Variants in CRADD observed in about 807,000 individuals in gnomAD.
The protein encoded by CRADD is death domain-containing protein CRADD.
In CRADD, 9 loss-of-function variants were observed where a neutral mutation model predicts 15.5. That is an observed-to-expected ratio of 0.58 (90% CI 0.35 to 1.01). The LOEUF is 1.01. CRADD is among the 50% of genes least tolerant of loss of function. The pLI is 0.02. For synonymous variants in CRADD, 118 were observed against 107.6 expected (o/e 1.10, Z -0.60); for missense variants, 227 against 250.3 (o/e 0.91, Z 0.63).
chr12:93,853,102 G>T (rs892233553), downstream of CRADD, among the ~76,000 whole-genome samples: 1 of 151,872 alleles, frequency 6.6e-6, no homozygotes, highest in African/African-American at 2.4e-5. Context: ...GATTTTCTCT[G>T]CATTTCCTTA....
intron 2 of CRADD, among the ~76,000 whole-genome samples, chr12:93,887,975 C>T (rs994628480): frequency 3.9e-5 from 6 of 152,206 alleles, no homozygotes; most frequent in East Asian, 1.9e-4. Context: ...AAAAGCTTCC[C>T]GGTTAAAGTG....
chr12:93,852,915 TATTA>T (rs1230565210), downstream of CRADD, among the ~76,000 whole-genome samples: 1 of 151,966 alleles, frequency 6.6e-6, no homozygotes, highest in African/African-American at 2.4e-5. Context: ...CTATAACTTT[TATTA>T]ATTTTTTCAA....
At chr12:93,691,500 C>T (rs940970386) in intron 2 of CRADD, among the ~76,000 whole-genome samples, 1 of 152,042 alleles carries the variant, frequency 6.6e-6, no homozygotes, top group Non-Finnish European at 1.5e-5. Flanking sequence ...GTGATCTGCC[C>T]GCCTTGGCCT....
chr12:93,797,273 C>T (rs1423202009), intron 2 of CRADD, among the ~76,000 whole-genome samples: 1 of 152,146 alleles, frequency 6.6e-6, no homozygotes, highest in East Asian at 1.9e-4. Context: ...CAGGCATCAA[C>T]TAAATGGCAT....
intron 2 of CRADD, among the ~76,000 whole-genome samples, chr12:93,885,936 G>A (rs966850740): frequency 3.9e-5 from 6 of 152,086 alleles, no homozygotes; most frequent in African/African-American, 1.4e-4. Flanking sequence ...CTACTTGGGA[G>A]GCTGAGGTAG....
intron 2 of CRADD, among the ~76,000 whole-genome samples, chr12:93,807,981 CAA>C (rs368104878): frequency 3.5e-4 from 24 of 67,740 alleles, no homozygotes; most frequent in African/African-American, 8.8e-4. Flanking sequence ...AAGTGTTATG[CAA>C]AAAAAAAAAA....
At chr12:93,869,129 A>AG (rs1958396530) in intron 2 of CRADD, among the ~76,000 whole-genome samples, 1 of 152,216 alleles carries the variant, frequency 6.6e-6, no homozygotes, top group Admixed American at 6.5e-5. Context: ...GAATTCCATC[A>AG]GTATGCCAGA....
intron 2 of CRADD, among the ~76,000 whole-genome samples, chr12:93,794,498 C>T (rs544238142): frequency 6.6e-6 from 1 of 152,242 alleles, no homozygotes; most frequent in South Asian, 2.1e-4. Context: ...TCCCTCATAT[C>T]CCACATCCAG....
intron 2 of CRADD, among the ~76,000 whole-genome samples, chr12:93,869,892 A>G (rs1334232156): frequency 2.0e-5 from 3 of 152,164 alleles, no homozygotes; most frequent in Non-Finnish European, 4.4e-5. Flanking sequence ...TTGGCTGAAA[A>G]TTTTCCAAAT....
chr12:93,828,282 C>T (rs1565929646), intron 2 of CRADD, among the ~76,000 whole-genome samples: 1 of 152,168 alleles, frequency 6.6e-6, no homozygotes, highest in Non-Finnish European at 1.5e-5. Context: ...TAAACAGTGT[C>T]TTTCAAATAG....
chr12:93,678,925 CTCCGGAAAACAA>C lies in CRADD; in HGVS notation c.153_164del (p.Arg52_Met55del). On this transcript the variant is annotated inframe_deletion, in exon 2 of 3. Coordinates refer to ENST00000332896, the MANE Select transcript of CRADD (RefSeq NM_003805.5). ...AGAAATCAATGCTCAAACCACAGGC[CTCCGGAAAACAA>C]TGCTCCTGCTGGATATCCTACCTTC... The C allele has an allele frequency of 6.2e-7, 1 of 1,614,166 alleles. No homozygotes were observed.
chr12:93,828,185 A>G (rs1957847317), intron 2 of CRADD, among the ~76,000 whole-genome samples: 1 of 152,196 alleles, frequency 6.6e-6, no homozygotes, highest in Non-Finnish European at 1.5e-5. Flanking sequence ...TTTGAGAATT[A>G]TTTGTATATA....
chr12:93,773,364 A>G (rs1957105278), intron 2 of CRADD, among the ~76,000 whole-genome samples: 1 of 152,102 alleles, frequency 6.6e-6, no homozygotes, highest in Non-Finnish European at 1.5e-5. Context: ...AATGAGTCTC[A>G]CGGGATCTGA....
At chr12:93,787,901 T>G (rs1189077662) in intron 2 of CRADD, among the ~76,000 whole-genome samples, 1 of 152,324 alleles carries the variant, frequency 6.6e-6, no homozygotes, top group South Asian at 2.1e-4. Context: ...GGAAGCCTGA[T>G]CTTCAAGAAT....
At chr12:93,723,315 A>T (rs1956297806) in intron 2 of CRADD, among the ~76,000 whole-genome samples, 1 of 152,186 alleles carries the variant, frequency 6.6e-6, no homozygotes. Flanking sequence ...AATTGCTCCT[A>T]TAGATAACAT....
At chr12:93,699,626 A>G (rs548220249) in intron 2 of CRADD, among the ~76,000 whole-genome samples, 1 of 152,154 alleles carries the variant, frequency 6.6e-6, no homozygotes, top group Non-Finnish European at 1.5e-5. Flanking sequence ...ATCTTTTGTC[A>G]TTGAGACTCA....
intron 2 of CRADD, among the ~76,000 whole-genome samples, chr12:93,778,379 G>T (rs528130474): frequency 5.2e-4 from 79 of 152,312 alleles, no homozygotes; most frequent in African/African-American, 1.4e-3. Context: ...TCTGGCACAT[G>T]CGCACGAGTT....
At chr12:93,882,039 G>A (rs1384935369) in intron 2 of CRADD, among the ~76,000 whole-genome samples, 2 of 152,154 alleles carry the variant, frequency 1.3e-5, no homozygotes, top group East Asian at 3.9e-4. Flanking sequence ...CAGGAGAATC[G>A]CTTGAACCCA....
rs78667331 is a variant in CRADD at position 93,862,613 on chromosome 12, G to A, written c.299-31437G>A. The stretch of plus-strand genomic sequence containing the variant: ...AATTACATCTGTTAAGTAAGGTGGG[G>A]TGAGTCAGCTAATTTTTAAAACCAG... On this transcript the variant is annotated intron_variant, in intron 2 of 2. Transcript: ENST00000548483. Among the ~76,000 whole-genome samples, 854 of 152,270 alleles carry A rather than the reference G, an allele frequency of 5.6e-3. 9 individuals are homozygous for A. Among genetic ancestry groups the A allele is most frequent in the African/African-American group, 0.02 (815 of 41,536 alleles).
Sources: allele counts gnomAD v4.1 joint callset (sites outside exome capture counted in the v4.1 genomes callset), GRCh38; gene constraint gnomAD v4.1.1; transcripts MANE v1.5; gene names NCBI Gene and HGNC (gene_info 2026-07-23, HGNC 2026-07-21).